Variants in MSRA observed in about 807,000 individuals in gnomAD.
MSRA encodes the protein methionine sulfoxide reductase A, also known as mitochondrial peptide methionine sulfoxide reductase.
In MSRA, 54 loss-of-function variants were observed where a neutral mutation model predicts 31.3. The ratio of observed to expected loss-of-function variants is 1.73; its 90% CI spans 1.39 to 2.17. The LOEUF (loss-of-function observed/expected upper bound fraction) is 2.17. MSRA is among the 30% of genes most tolerant of loss of function. The pLI is 0.00. For synonymous variants in MSRA, 169 were observed against 116.5 expected, an observed-to-expected ratio of 1.45 and a Z score of -2.90; for missense variants, 507 against 300.9, an observed-to-expected ratio of 1.69 and a Z score of -5.07.
intron 1 of MSRA, among the ~76,000 whole-genome samples, chr8:10,186,414 A>G (rs1295579894): frequency 6.6e-6 from 1 of 152,186 alleles, no homozygotes; most frequent in East Asian, 1.9e-4. Flanking sequence ...ATTTTATTTA[A>G]TGACACTCAA....
At chr8:10,284,332 G>C (rs1337634666) in intron 3 of MSRA, among the ~76,000 whole-genome samples, 1 of 151,936 alleles carries the variant, frequency 6.6e-6, no homozygotes, top group Non-Finnish European at 1.5e-5. Context: ...GGGACTATAG[G>C]CGCCCGCCAC....
chr8:10,364,268 T>C (rs929602744), intron 5 of MSRA, among the ~76,000 whole-genome samples: 1 of 152,210 alleles, frequency 6.6e-6, no homozygotes, highest in Non-Finnish European at 1.5e-5. Context: ...GGTTAGACTG[T>C]CATCCATGAA....
At chr8:10,331,818 A>C (rs1056104403) in intron 5 of MSRA, among the ~76,000 whole-genome samples, 1 of 152,232 alleles carries the variant, frequency 6.6e-6, no homozygotes, top group Non-Finnish European at 1.5e-5. Context: ...AATACAATGC[A>C]CATACTATTA....
At chr8:10,296,655 C>T (rs184006779) in intron 3 of MSRA, among the ~76,000 whole-genome samples, 19 of 152,300 alleles carry the variant, frequency 1.2e-4, no homozygotes, top group African/African-American at 3.8e-4. Context: ...ATGTGCCAGG[C>T]ACTAATCACC....
chr8:10,329,420 G>A (rs1585488857), intron 5 of MSRA, among the ~76,000 whole-genome samples: 1 of 152,102 alleles, frequency 6.6e-6, no homozygotes, highest in Admixed American at 6.5e-5. Context: ...ATCCTCTTCT[G>A]GGCATCTGAT....
At chr8:10,194,735 C>A (rs974858577) in intron 1 of MSRA, among the ~76,000 whole-genome samples, 1 of 152,096 alleles carries the variant, frequency 6.6e-6, no homozygotes, top group Non-Finnish European at 1.5e-5. Context: ...TGACATTTGT[C>A]CTGGGACTGG....
intron 3 of MSRA, among the ~76,000 whole-genome samples, chr8:10,296,561 T>C (rs982673457): frequency 6.6e-6 from 1 of 152,208 alleles, no homozygotes; most frequent in African/African-American, 2.4e-5. Flanking sequence ...TCTATTCCAA[T>C]TTTCCCCATG....
At chr8:10,384,781 G>A (rs181714797) in intron 5 of MSRA, among the ~76,000 whole-genome samples, 1 of 152,274 alleles carries the variant, frequency 6.6e-6, no homozygotes, top group African/African-American at 2.4e-5. Flanking sequence ...GCTGAGGTGG[G>A]CAGATCCCTT....
intron 1 of MSRA, among the ~76,000 whole-genome samples, chr8:10,137,809 C>T (rs1323071565): frequency 1.3e-5 from 2 of 152,172 alleles, no homozygotes; most frequent in East Asian, 1.9e-4. Flanking sequence ...TATGTTAATA[C>T]GTTAATTATA....
At chr8:10,112,288 T>C (rs1800347069) in intron 1 of MSRA, among the ~76,000 whole-genome samples, 1 of 152,240 alleles carries the variant, frequency 6.6e-6, no homozygotes, top group African/African-American at 2.4e-5. Context: ...TCTTGATAGA[T>C]ATGCAAAAGC....
At chr8:10,306,416 T>C (rs569100803) in intron 4 of MSRA, among the ~76,000 whole-genome samples, 8 of 152,344 alleles carry the variant, frequency 5.3e-5, no homozygotes, top group Middle Eastern at 3.4e-3. Flanking sequence ...TTTACATTTA[T>C]TCTTACATCT....
chr8:10,121,051 AG>A (rs1327369609), intron 1 of MSRA, among the ~76,000 whole-genome samples: 1 of 152,210 alleles, frequency 6.6e-6, no homozygotes, highest in Non-Finnish European at 1.5e-5. Flanking sequence ...AAGTTAATAA[AG>A]GGTAGTCACT....
At chr8:10,145,306 A>T (rs1194013711) in intron 1 of MSRA, among the ~76,000 whole-genome samples, 1 of 152,216 alleles carries the variant, frequency 6.6e-6, no homozygotes, top group Non-Finnish European at 1.5e-5. Context: ...TGCATTAGAA[A>T]AGAAAGGCCA....
At chr8:10,129,704 C>G (rs963102396) in intron 1 of MSRA, among the ~76,000 whole-genome samples, 1 of 152,106 alleles carries the variant, frequency 6.6e-6, no homozygotes, top group Non-Finnish European at 1.5e-5. Flanking sequence ...CATCCTTGAG[C>G]CCCTGGAGGT....
At chr8:10,321,367 T>C (rs1802032662) in intron 5 of MSRA, among the ~76,000 whole-genome samples, 1 of 151,530 alleles carries the variant, frequency 6.6e-6, no homozygotes, top group African/African-American at 2.4e-5. Flanking sequence ...GTAACTAGAG[T>C]GTCCACTGGT....
At chr8:10,387,073 C>T (rs1806440323) in intron 5 of MSRA, among the ~76,000 whole-genome samples, 1 of 152,124 alleles carries the variant, frequency 6.6e-6, no homozygotes, top group Non-Finnish European at 1.5e-5. Flanking sequence ...TTCTGACAAG[C>T]TCCAGAGGCA....
chr8:10,138,559 T>C (rs1376009751), intron 1 of MSRA, among the ~76,000 whole-genome samples: 1 of 152,250 alleles, frequency 6.6e-6, no homozygotes, highest in Non-Finnish European at 1.5e-5. Flanking sequence ...TTCAGTGACA[T>C]TCTTTTATTC....
chr8:10,110,991 A>G (rs1004895311), intron 1 of MSRA, among the ~76,000 whole-genome samples: 3 of 152,190 alleles, frequency 2.0e-5, no homozygotes, highest in Non-Finnish European at 2.9e-5. Flanking sequence ...TCACATTTTT[A>G]TGTAGGTTCT....
chr8:10,227,634 G>A (rs146501939), intron 2 of MSRA, among the ~76,000 whole-genome samples: 1 of 152,194 alleles, frequency 6.6e-6, no homozygotes, highest in South Asian at 2.1e-4. Flanking sequence ...ATTAATCACA[G>A]TGCAGAGGTA....
Sources: gnomAD v4.1 joint callset for allele counts (sites outside exome capture counted in the v4.1 genomes callset) on GRCh38, gnomAD v4.1.1 for gene constraint, MANE v1.5 for transcripts, NCBI Gene and HGNC (gene_info 2026-07-23, HGNC 2026-07-21) for gene names.